The following BICD1 variants were observed in gnomAD, a reference collection of about 807,000 sequenced individuals.
The protein encoded by BICD1 is protein bicaudal D homolog 1.
A neutral mutation model predicts 92.5 loss-of-function variants in BICD1; 35 were observed. That is an observed-to-expected ratio of 0.38 (90% confidence interval 0.29 to 0.50). The LOEUF (loss-of-function observed/expected upper bound fraction) is 0.50, where lower values mean the gene tolerates loss of function less well. BICD1 is among the 20% of genes least tolerant of loss of function. The pLI is 0.93. For synonymous variants in BICD1, 429 were observed against 465.1 expected (o/e 0.92, Z 1.00); for missense variants, 950 against 1,189.8 (o/e 0.80, Z 2.97).
At chr12:32,302,591 G>C (rs1948086044) in intron 3 of BICD1, among the ~76,000 whole-genome samples, 1 of 152,108 alleles carries the variant, frequency 6.6e-6, no homozygotes, top group African/African-American at 2.4e-5. Flanking sequence ...ATAGTGCCCA[G>C]TTATCATTTT....
intron 2 of BICD1, among the ~76,000 whole-genome samples, chr12:32,265,717 T>TAA (rs1359328274): frequency 1.4e-5 from 1 of 70,716 alleles, no homozygotes; most frequent in Non-Finnish European, 2.9e-5. Flanking sequence ...GAGATCCTAT[T>TAA]TAAAAAAAAA....
At chr12:32,237,657 C>G (rs1427177675) in intron 2 of BICD1, among the ~76,000 whole-genome samples, 12 of 152,140 alleles carry the variant, frequency 7.9e-5, no homozygotes, top group Admixed American at 7.9e-4. Flanking sequence ...TACTTGTACT[C>G]TATTAATGAA....
chr12:32,158,138 T>C (rs933699344), intron 1 of BICD1, among the ~76,000 whole-genome samples: 7 of 143,564 alleles, frequency 4.9e-5, no homozygotes, highest in African/African-American at 1.8e-4. Context: ...GGAGTTTCAC[T>C]CTTGTTGCCC....
At chr12:32,343,815 G>A (rs1011291105) in intron 8 of BICD1, among the ~76,000 whole-genome samples, 9 of 152,118 alleles carry the variant, frequency 5.9e-5, no homozygotes, top group South Asian at 2.1e-4. Flanking sequence ...CCTTAGATAC[G>A]TAATCACCCC....
chr12:32,245,857 C>A (rs1946367714), intron 2 of BICD1, among the ~76,000 whole-genome samples: 1 of 151,250 alleles, frequency 6.6e-6, no homozygotes, highest in African/African-American at 2.4e-5. Flanking sequence ...TAGTGAAACC[C>A]CTTCTCTACT....
At chr12:32,350,881 C>G (rs1255160411) in intron 8 of BICD1, among the ~76,000 whole-genome samples, 1 of 152,204 alleles carries the variant, frequency 6.6e-6, no homozygotes, top group Non-Finnish European at 1.5e-5. Context: ...TGTCACCTCT[C>G]AGCCAATAAT....
intron 2 of BICD1, among the ~76,000 whole-genome samples, chr12:32,229,054 A>G (rs1945791049): frequency 6.6e-6 from 1 of 152,078 alleles, no homozygotes; most frequent in Admixed American, 6.6e-5. Context: ...GTTTGAGACG[A>G]GCCTGGCTAA....
chr12:32,189,017 G>A (rs180695375), intron 1 of BICD1, among the ~76,000 whole-genome samples: 2 of 152,036 alleles, frequency 1.3e-5, no homozygotes, highest in Non-Finnish European at 2.9e-5. Flanking sequence ...TATCTTTATC[G>A]CACATGAGTT....
At chr12:32,107,801 G>A (rs762471155) in intron 1 of BICD1, 5 of 699,664 alleles carry the variant, frequency 7.1e-6, no homozygotes, top group Non-Finnish European at 5.2e-6. Flanking sequence ...ATTAGTAAGA[G>A]TCATCAAGTC....
intron 1 of BICD1, among the ~76,000 whole-genome samples, chr12:32,164,067 CGT>C (rs1565557662): frequency 1.3e-5 from 2 of 152,142 alleles, no homozygotes; most frequent in Admixed American, 6.5e-5. Context: ...CTCCATCTCC[CGT>C]GTGTTTCCTT....
At chr12:32,117,750 ATATATATATT>A (rs1230547967) in intron 1 of BICD1, among the ~76,000 whole-genome samples, 14 of 99,244 alleles carry the variant, frequency 1.4e-4, no homozygotes, top group African/African-American at 3.8e-4. Context: ...ATATATATAT[ATATATATATT>A]TTTTTTTAAG....
intron 1 of BICD1, among the ~76,000 whole-genome samples, chr12:32,179,457 T>C (rs991907299): frequency 2.6e-5 from 4 of 151,984 alleles, no homozygotes; most frequent in Admixed American, 2.6e-4. Context: ...ATTGATCCCT[T>C]CTTAAAATAG....
At chr12:32,253,132 C>T (rs1184136933) in intron 2 of BICD1, among the ~76,000 whole-genome samples, 2 of 152,176 alleles carry the variant, frequency 1.3e-5, no homozygotes, top group African/African-American at 4.8e-5. Flanking sequence ...GTCGGCCCGC[C>T]TTGGCCTCCC....
At position 32,182,886 on chromosome 12, in the gene BICD1, C is replaced by CTTTTTTTTTTTTTTTTTTTTTTTTTTTT. The variant is rs1335811260; in HGVS notation, c.214-33358_214-33357insTTTTTTTTTTTTTTTTTTTTTTTTTTTT. ...TTTTTCTTTTTCTTTTCTTTTCTTT[C>CTTTTTTTTTTTTTTTTTTTTTTTTTTTT]TTTCTTTTTTTTTTTTTTTTTTTAA... On this transcript the variant is annotated intron_variant, in intron 1 of 9. Transcript: ENST00000652176. Among the ~76,000 whole-genome samples the CTTTTTTTTTTTTTTTTTTTTTTTTTTTT allele has an allele frequency of 3.7e-5, 3 of 80,418 alleles. 1 individual carries two copies. Among genetic ancestry groups the CTTTTTTTTTTTTTTTTTTTTTTTTTTTT allele is most frequent in the African/African-American group, 9.7e-5 (2 of 20,618 alleles). 52.8% of individuals were successfully genotyped at this position (80,418 alleles called of 152,430 possible). A position where few individuals can be genotyped will look rare whatever the true frequency, so the allele number is the denominator to read the frequency against.
chr12:32,189,464 T>C (rs1944506657), intron 1 of BICD1, among the ~76,000 whole-genome samples: 1 of 152,098 alleles, frequency 6.6e-6, no homozygotes, highest in Admixed American at 6.6e-5. Flanking sequence ...GGGTGAGGCA[T>C]GAGGTGAAAA....
intron 2 of BICD1, among the ~76,000 whole-genome samples, chr12:32,254,942 T>C (rs975021238): frequency 6.6e-6 from 1 of 152,196 alleles, no homozygotes; most frequent in African/African-American, 2.4e-5. Context: ...TCATTCATTC[T>C]TCTTGGACAA....
At chr12:32,186,428 G>C (rs1448689962) in intron 1 of BICD1, among the ~76,000 whole-genome samples, 5 of 152,194 alleles carry the variant, frequency 3.3e-5, no homozygotes, top group Non-Finnish European at 7.3e-5. Context: ...ACCTTAAGCA[G>C]TAGGAAGCTT....
chr12:32,254,085 C>T (rs1946650727), intron 2 of BICD1, among the ~76,000 whole-genome samples: 1 of 137,440 alleles, frequency 7.3e-6, no homozygotes, highest in South Asian at 2.5e-4. Flanking sequence ...TAATCACTGC[C>T]ATATTCCACG....
In BICD1 at chr12:32,107,544, G is replaced by A. The variant is rs764003689; in HGVS notation, c.213G>A (p.Glu71=). 6.3e-7 allele frequency: 1 copy of A among 1,577,396 alleles called. No individual in the cohort carries two copies. Among genetic ancestry groups the A allele is most frequent in the Admixed American group, 1.9e-5 (1 of 53,616 alleles). Residue 71 remains glutamate (E), a splice_region_variant and synonymous_variant, in exon 1 of 10, where the codon GAG becomes GAA. Coordinates refer to ENST00000652176, the MANE Select transcript of BICD1 (RefSeq NM_001714.4). ...AACAGGAGCTGGAGCAGCTCAAAGA[G>A]GTGAGTTGCCTGTCACCTCTCCCTT... The part of the protein sequence containing the change: ...SLKQELEQLK[E]AFGQSFSIHR...
Sources: allele counts gnomAD v4.1 joint callset (sites outside exome capture counted in the v4.1 genomes callset), GRCh38; gene constraint gnomAD v4.1.1; transcripts MANE v1.5; gene names NCBI Gene and HGNC (gene_info 2026-07-23, HGNC 2026-07-21).